Variants in WWOX observed in about 807,000 individuals in gnomAD.
WWOX encodes WW domain-containing oxidoreductase.
Under a neutral mutation model 46.2 loss-of-function variants are expected in WWOX, and 69 were observed. The ratio of observed to expected loss-of-function variants is 1.49; its 90% CI spans 1.23 to 1.82. The LOEUF is 1.82. Among genes scored for constraint, WWOX ranks in the 40% most tolerant of loss-of-function variants. The pLI is 0.00. For missense variants in WWOX, 919 were observed against 542.6 expected, an observed-to-expected ratio of 1.69 and a Z score of -6.89; for synonymous variants, 359 against 202.6, an observed-to-expected ratio of 1.77 and a Z score of -6.56.
chr16:78,859,209 G>C (rs1374417760), intron 8 of WWOX, among the ~76,000 whole-genome samples: 1 of 151,420 alleles, frequency 6.6e-6, no homozygotes, highest in Non-Finnish European at 1.5e-5. Context: ...CCTAAAATGA[G>C]TTCAACTGAT....
In WWOX at chr16:78,962,337, A is replaced by G. The variant is rs1377308253; in HGVS notation, c.1057-249271A>G. ...TTTTTTTTTTTTTTTAAAAAAAAAA[A>G]AAAAGAAGGAATGTGATTGTGAAGG... On this transcript the variant is annotated intron_variant, in intron 8 of 8. Transcript: ENST00000566780. Among the ~76,000 whole-genome samples the G allele has an allele frequency of 3.5e-5, 5 of 141,240 alleles. No individual in the cohort carries two copies. In the South Asian group the frequency reaches 1.2e-3, roughly 32 times the overall value. 92.7% of individuals were successfully genotyped at this position (141,240 alleles called of 152,430 possible).
At chr16:78,209,509 C>T (rs1348670337) in intron 5 of WWOX, among the ~76,000 whole-genome samples, 1 of 152,166 alleles carries the variant, frequency 6.6e-6, no homozygotes, top group African/African-American at 2.4e-5. Flanking sequence ...CGTCTTCCTC[C>T]TTGACTCATA....
intron 8 of WWOX, among the ~76,000 whole-genome samples, chr16:79,116,665 T>A (rs2049521974): frequency 6.6e-6 from 1 of 152,126 alleles, no homozygotes; most frequent in Non-Finnish European, 1.5e-5. Context: ...GGCTCAAGAC[T>A]TACTTCCTCC....
intron 8 of WWOX, among the ~76,000 whole-genome samples, chr16:79,197,126 T>C (rs1282996929): frequency 6.6e-6 from 1 of 152,160 alleles, no homozygotes; most frequent in African/African-American, 2.4e-5. Context: ...GGGACCAAGT[T>C]GAAACATGCT....
intron 8 of WWOX, among the ~76,000 whole-genome samples, chr16:78,653,860 T>G (rs1008684962): frequency 2.6e-5 from 4 of 152,198 alleles, no homozygotes; most frequent in Non-Finnish European, 5.9e-5. Flanking sequence ...TATTTTGAGT[T>G]GGGTTTGAAT....
intron 8 of WWOX, among the ~76,000 whole-genome samples, chr16:78,480,303 G>A (rs1430725060): frequency 1.3e-5 from 2 of 152,192 alleles, no homozygotes. Flanking sequence ...CTGCTTTAAA[G>A]CATTAGTCCC....
chr16:78,259,666 A>G (rs1190495193), intron 5 of WWOX, among the ~76,000 whole-genome samples: 3 of 151,516 alleles, frequency 2.0e-5, no homozygotes, highest in Non-Finnish European at 4.4e-5. Context: ...ATTAATACAC[A>G]AGGTTGAGAA....
chr16:78,972,339 G>T (rs546949606), intron 8 of WWOX, among the ~76,000 whole-genome samples: 1 of 152,122 alleles, frequency 6.6e-6, no homozygotes, highest in Non-Finnish European at 1.5e-5. Flanking sequence ...GGGCTTTATT[G>T]GATGGGAGCC....
At chr16:78,727,138 C>T (rs949432088) in intron 8 of WWOX, among the ~76,000 whole-genome samples, 14 of 152,154 alleles carry the variant, frequency 9.2e-5, no homozygotes, top group African/African-American at 3.1e-4. Context: ...GTGGCTCACA[C>T]CTATAATGCC....
chr16:78,861,051 C>T (rs1484206650), intron 8 of WWOX, among the ~76,000 whole-genome samples: 1 of 152,096 alleles, frequency 6.6e-6, no homozygotes, highest in Non-Finnish European at 1.5e-5. Flanking sequence ...AACTCCTGGG[C>T]TCAAGCAATG....
intron 8 of WWOX, among the ~76,000 whole-genome samples, chr16:78,800,808 T>G (rs1339776305): frequency 6.6e-6 from 1 of 152,126 alleles, no homozygotes; most frequent in Non-Finnish European, 1.5e-5. Flanking sequence ...AGCAAACTTC[T>G]CTTGAGATAG....
chr16:78,204,422 T>C (rs902525555), intron 5 of WWOX, among the ~76,000 whole-genome samples: 122 of 152,162 alleles, frequency 8.0e-4, no homozygotes, highest in African/African-American at 2.7e-3. Flanking sequence ...ATCCAGTCAC[T>C]CTTTTAGTTA....
chr16:78,928,378 A>G lies in WWOX; in HGVS notation c.1057-283230A>G, dbSNP rs189796194. 6.9e-3 allele frequency among the ~76,000 whole-genome samples: 1,041 copies of G among 151,116 alleles called. 11 individuals carry two copies. Among genetic ancestry groups the G allele is most frequent in the African/African-American group, 0.024 (972 of 41,184 alleles). On this transcript the variant is annotated intron_variant, in intron 8 of 8. Coordinates refer to ENST00000566780, the MANE Select transcript of WWOX (RefSeq NM_016373.4). ...CTACCACGCCCGGCTAATTTTTTGT[A>G]TTTTTAGTAGAGACGGGGTTTCACC...
At chr16:78,452,307 T>C (rs1482270939) in intron 8 of WWOX, among the ~76,000 whole-genome samples, 1 of 152,184 alleles carries the variant, frequency 6.6e-6, no homozygotes, top group Non-Finnish European at 1.5e-5. Context: ...TTCAATTTTT[T>C]TTTACTGTCA....
chr16:79,162,713 C>A (rs1267169971), intron 8 of WWOX, among the ~76,000 whole-genome samples: 1 of 152,172 alleles, frequency 6.6e-6, no homozygotes, highest in Non-Finnish European at 1.5e-5. Flanking sequence ...TCCTGAGTCC[C>A]CATTCAGAGG....
At chr16:79,099,792 G>T (rs1182001679) in intron 8 of WWOX, among the ~76,000 whole-genome samples, 2 of 152,138 alleles carry the variant, frequency 1.3e-5, no homozygotes, top group Non-Finnish European at 2.9e-5. Context: ...AGAGACAAGG[G>T]ACTAAAATAA....
Position 78,340,344 on chromosome 16 carries a change from G to A in WWOX, c.517-46516G>A, listed in dbSNP as rs144205164. On this transcript the variant is annotated intron_variant, in intron 5 of 8. Coordinates refer to ENST00000566780, the MANE Select transcript of WWOX (RefSeq NM_016373.4). The stretch of plus-strand genomic sequence containing the variant: ...CCCAAGTCGCTGGGACTACATGTGC[G>A]TGTCACCAAGCCGAACTAATTTATT... Among the ~76,000 whole-genome samples the A allele has an allele frequency of 6.0e-5, 7 of 117,608 alleles. 1 individual carries two copies. Among genetic ancestry groups the A allele is most frequent in the East Asian group, 1.9e-4 (1 of 5,154 alleles). 77.2% of individuals were successfully genotyped at this position (117,608 alleles called of 152,430 possible).
chr16:78,229,273 A>G (rs561593377), intron 5 of WWOX, among the ~76,000 whole-genome samples: 4 of 150,738 alleles, frequency 2.7e-5, no homozygotes, highest in Non-Finnish European at 3.0e-5. Context: ...AAAAAACAGG[A>G]ATAAATAAAA....
At chr16:78,599,728 G>A (rs181731766) in intron 8 of WWOX, among the ~76,000 whole-genome samples, 12 of 152,210 alleles carry the variant, frequency 7.9e-5, no homozygotes, top group African/African-American at 2.6e-4. Context: ...GTGGGGTGTG[G>A]GCAACAGAGG....
Sources: allele counts gnomAD v4.1 joint callset (sites outside exome capture counted in the v4.1 genomes callset), GRCh38; gene constraint gnomAD v4.1.1; transcripts MANE v1.5; gene names NCBI Gene and HGNC (gene_info 2026-07-23, HGNC 2026-07-21).